The following ZNF786 variants were observed in gnomAD, a reference collection of about 807,000 sequenced individuals.
ZNF786 encodes the protein zinc finger protein 786.
A neutral mutation model predicts 63.1 loss-of-function variants in ZNF786; 56 were observed. That is an observed-to-expected ratio of 0.89 (90% CI 0.72 to 1.11). The LOEUF is 1.11. Ranked by LOEUF, ZNF786 falls within the 50% of genes least tolerant of loss-of-function variation. ZNF786 has a pLI of 0.00. For synonymous variants in ZNF786, 485 were observed against 406.9 expected (o/e 1.19, Z -2.31); for missense variants, 1,213 against 1,041.8 (o/e 1.16, Z -2.26).
At chr7:149,080,567 C>T (rs1445981380) in intron 2 of ZNF786, 24 bp downstream of exon 2, 1 of 1,557,704 alleles carries the variant, frequency 6.4e-7, no homozygotes, top group East Asian at 2.3e-5. Context: ...CCATGACCTA[C>T]CCACAAAGGT....
chr7:149,086,631 C>T (rs112675159), intron 1 of ZNF786, among the ~76,000 whole-genome samples: 1 of 145,188 alleles, frequency 6.9e-6, no homozygotes, highest in African/African-American at 2.8e-5. Flanking sequence ...CTGTCTCACA[C>T]ACACACACAC....
intron 3 of ZNF786, among the ~76,000 whole-genome samples, chr7:149,073,747 G>GTGTATGTATATATA (rs1447329296): frequency 1.3e-5 from 1 of 77,602 alleles, no homozygotes; most frequent in African/African-American, 4.6e-5. Context: ...GTGTGTGTGT[G>GTGTATGTATATATA]TATATATATA....
In ZNF786 at chr7:149,074,494, C is replaced by T. The variant is rs1409709488; in HGVS notation, c.190G>A (p.Gly64Arg). The T allele has an allele frequency of 1.2e-5, 20 of 1,613,810 alleles. No individual in the cohort carries two copies. The East Asian group carries it at 1.3e-4, about 11-fold the overall frequency. The change falls in exon 3 of 4, where the codon GGG becomes AGG. Residue 64 changes from glycine (G) to arginine (R), a missense_variant. Physicochemically the swap from Gly to Arg is moderately radical, Grantham distance 125 (BLOSUM62 -2). Transcript: ENST00000491431. ...CTCCATTTCCTGAAGGGCTCTCCCC[C>T]GTGTTCAATCCAGGATATTAGTTCT... ...KPELISWIEH[G>R]GEPFRKWRES...
Position 149,070,666 on chromosome 7 carries a change from C to CCTCT in ZNF786, c.2102_2105dup (p.Pro703GlufsTer7). 6.2e-7 allele frequency: 1 copy of CCTCT among 1,613,986 alleles called. No homozygotes were observed. The highest frequency in any genetic ancestry group is 1.1e-5 in the South Asian group (1 of 91,090). On this transcript the variant is annotated frameshift_variant, in exon 4 of 4. Coordinates refer to ENST00000491431, the MANE Select transcript of ZNF786 (RefSeq NM_152411.4). LOFTEE classifies it high-confidence loss of function. ...TGTCACACTCAGGGCAGTGAAAAGG[C>CCTCT]CTCTCCCCTGTGTGCAGGCCCTGAT...
intron 1 of ZNF786, 93 bp from the exon 2 acceptor site, chr7:149,080,810 G>T: frequency 6.8e-7 from 1 of 1,467,800 alleles, no homozygotes; most frequent in Non-Finnish European, 9.1e-7. Context: ...TTCTGCAGTG[G>T]ACAAATGTTT....
intron 2 of ZNF786, among the ~76,000 whole-genome samples, chr7:149,080,072 T>C (rs1825625501): frequency 6.6e-6 from 1 of 151,958 alleles, no homozygotes. Context: ...CTCGGTAGGC[T>C]GAGGCAGGAG....
chr7:149,075,655 GTTTT>G (rs1165713050), intron 2 of ZNF786, among the ~76,000 whole-genome samples: 25 of 69,462 alleles, frequency 3.6e-4, no homozygotes, highest in East Asian at 1.6e-3. Flanking sequence ...CACACTTCAG[GTTTT>G]TTTTTTTTTT....
chr7:149,083,588 C>T (rs578057043), intron 1 of ZNF786, among the ~76,000 whole-genome samples: 1 of 152,210 alleles, frequency 6.6e-6, no homozygotes, highest in Non-Finnish European at 1.5e-5. Context: ...GTTTGCTATA[C>T]AGGTAAATTG....
intron 1 of ZNF786, among the ~76,000 whole-genome samples, chr7:149,087,571 T>C (rs1416073079): frequency 1.3e-5 from 2 of 152,176 alleles, no homozygotes; most frequent in African/African-American, 4.8e-5. Flanking sequence ...CTTTGTACTA[T>C]GTGAACAAAC....
intron 3 of ZNF786, among the ~76,000 whole-genome samples, chr7:149,073,743 G>GTA (rs1825482371): frequency 2.9e-5 from 2 of 69,148 alleles, no homozygotes; most frequent in African/African-American, 1.3e-4. Flanking sequence ...GTGTGTGTGT[G>GTA]TGTGTATATA....
At chr7:149,083,469 G>A (rs1370288174) in intron 1 of ZNF786, among the ~76,000 whole-genome samples, 1 of 151,982 alleles carries the variant, frequency 6.6e-6, no homozygotes, top group East Asian at 1.9e-4. Flanking sequence ...CACCCGCCTC[G>A]GCCTCCCAGT....
chr7:149,070,400 C>T lies in ZNF786; in HGVS notation c.*23G>A. On this transcript the variant is annotated 3_prime_UTR_variant, in exon 4 of 4. Transcript: ENST00000491431. The stretch of plus-strand genomic sequence containing the variant: ...CCTGGGCAATACCAATCCTGCTCAA[C>T]GCTTTGGATGTCCCACTCTGCCTCA... The T allele has an allele frequency of 1.9e-6, 3 of 1,605,988 alleles. No homozygotes were observed. Among genetic ancestry groups the T allele is most frequent in the Non-Finnish European group, 2.6e-6 (3 of 1,174,742 alleles).
chr7:149,080,217 C>A (rs917730045), intron 2 of ZNF786, among the ~76,000 whole-genome samples: 1 of 152,006 alleles, frequency 6.6e-6, no homozygotes, highest in Non-Finnish European at 1.5e-5. Flanking sequence ...AGTATTTAGA[C>A]CCCACTGTAA....
chr7:149,090,616 CG>C lies in ZNF786; in HGVS notation c.18+6del. On this transcript the variant is annotated splice_donor_region_variant and intron_variant, in intron 1 of 3. Transcript: ENST00000491431. ...AACCGGGCGTCCAAACAGGCTAGCCCGCTTACCCGAGGCGGCTCCGCCATGG... is the reference window on the plus strand; with the variant it reads ...AACCGGGCGTCCAAACAGGCTAGCCCCTTACCCGAGGCGGCTCCGCCATGG... 6.3e-7 allele frequency: 1 copy of C among 1,590,052 alleles called. No homozygotes were observed. The highest frequency in any genetic ancestry group is 8.6e-7 in the Non-Finnish European group (1 of 1,166,860).
intron 1 of ZNF786, among the ~76,000 whole-genome samples, chr7:149,089,303 C>T (rs894590342): frequency 1.3e-5 from 2 of 151,180 alleles, no homozygotes; most frequent in Non-Finnish European, 2.9e-5. Flanking sequence ...AGTGTTCCAC[C>T]GTCTGAATGT....
chr7:149,074,386 C>T lies in ZNF786; in HGVS notation c.298G>A (p.Gly100Arg), dbSNP rs1182496156. The stretch of plus-strand genomic sequence containing the variant: ...GGGGCCCTGATTTCTTAATACTCAC[C>T]CCAAAACAGCTGTTCCTCAAAACCT... The part of the protein sequence containing the change: ...DPGFEEQLFW[G>R]SQQAMNSGKT... Residue 100 changes from glycine to arginine, a missense_variant and splice_region_variant, in exon 3 of 4, where the codon GGA becomes AGA. Physicochemically the swap from Gly to Arg is moderately radical, Grantham distance 125. Coordinates refer to ENST00000491431, the MANE Select transcript of ZNF786 (RefSeq NM_152411.4). 1 of 1,613,518 alleles carries T rather than the reference C, an allele frequency of 6.2e-7. No individual in the cohort carries two copies. The highest frequency in any genetic ancestry group is 8.5e-7 in the Non-Finnish European group (1 of 1,179,676).
chr7:149,079,031 T>C (rs1049334824), intron 2 of ZNF786, among the ~76,000 whole-genome samples: 2 of 152,168 alleles, frequency 1.3e-5, no homozygotes, highest in South Asian at 2.1e-4. Flanking sequence ...GGAAGCGTAT[T>C]TAGATTGGAG....
intron 1 of ZNF786, among the ~76,000 whole-genome samples, chr7:149,084,926 T>C (rs940818604): frequency 6.6e-6 from 1 of 152,198 alleles, no homozygotes. Context: ...TAATTTTAGG[T>C]TTTACATTTA....
Position 149,072,007 on chromosome 7 carries a change from C to A in ZNF786, c.765G>T (p.Leu255=), listed in dbSNP as rs1401288385. ...CGKSFRRKLC[L]LRHLAAHTGR... ...CCGTGTGGGCCGCCAGATGGCGCAGCAGACACAGCTTCCGGCGGAAGCTCT... is the reference window on the plus strand; with the variant it reads ...CCGTGTGGGCCGCCAGATGGCGCAGAAGACACAGCTTCCGGCGGAAGCTCT... The change falls in exon 4 of 4, where the codon CTG becomes CTT. Residue 255 remains leucine (L), a synonymous_variant. Transcript: ENST00000491431. The A allele has an allele frequency of 2.5e-6, 4 of 1,612,908 alleles. No individual in the cohort carries two copies. Among genetic ancestry groups the A allele is most frequent in the Non-Finnish European group, 2.5e-6 (3 of 1,179,852 alleles).
Sources: gnomAD v4.1 joint callset for allele counts (sites outside exome capture counted in the v4.1 genomes callset) on GRCh38, gnomAD v4.1.1 for gene constraint, MANE v1.5 for transcripts, NCBI Gene and HGNC (gene_info 2026-07-23, HGNC 2026-07-21) for gene names.